GLCCI1: variants seen among roughly 807,000 people sequenced by gnomAD.
GLCCI1 encodes the protein glucocorticoid-induced transcript 1 protein.
GLCCI1 carries 24 observed loss-of-function variants against 52.2 expected under a neutral mutation model. The ratio of observed to expected loss-of-function variants is 0.46; its 90% CI spans 0.33 to 0.65. GLCCI1 has a LOEUF of 0.65. GLCCI1 is among the 30% of genes least tolerant of loss of function. The pLI is 0.02. For synonymous variants in GLCCI1, 310 were observed against 276.5 expected (o/e 1.12, Z -1.20); for missense variants, 704 against 701.5 (o/e 1.00, Z -0.04).
At position 7,999,758 on chromosome 7, in the gene GLCCI1, C is replaced by A. The variant is rs1007405932; in HGVS notation, c.458-4150C>A. Among the ~76,000 whole-genome samples the A allele has an allele frequency of 3.3e-5, 5 of 152,100 alleles. No homozygotes were observed. In the South Asian group the frequency reaches 1.0e-3, roughly 32 times the overall value. ...CATCTCTATAAATTTAAAAAATTAG[C>A]TGGGTGTGGTGATGCACACCTGTGG... On this transcript the variant is annotated intron_variant, in intron 1 of 7. Coordinates refer to ENST00000223145, the MANE Select transcript of GLCCI1 (RefSeq NM_138426.4).
At chr7:8,064,747 C>T (rs932814678) in intron 5 of GLCCI1, among the ~76,000 whole-genome samples, 5 of 151,960 alleles carry the variant, frequency 3.3e-5, no homozygotes, top group Non-Finnish European at 2.9e-5. Context: ...GCTGCTCTGT[C>T]GCCAGGCTGA....
At chr7:8,060,629 T>G (rs1369566526) in intron 5 of GLCCI1, among the ~76,000 whole-genome samples, 6 of 152,216 alleles carry the variant, frequency 3.9e-5, no homozygotes, top group Admixed American at 2.6e-4. Flanking sequence ...CATAGTGTTT[T>G]TAAGGTTCAC....
intron 3 of GLCCI1, among the ~76,000 whole-genome samples, chr7:8,038,400 T>C (rs1272015498): frequency 1.3e-5 from 2 of 152,140 alleles, no homozygotes. Flanking sequence ...CAAAACAGAA[T>C]GCTACTGGTA....
chr7:8,074,232 C>A (rs1782826043), intron 6 of GLCCI1, among the ~76,000 whole-genome samples: 1 of 108,704 alleles, frequency 9.2e-6, no homozygotes, highest in South Asian at 3.5e-4. Flanking sequence ...ACAAATAATA[C>A]ACTATTATAA....
intron 1 of GLCCI1, among the ~76,000 whole-genome samples, chr7:7,998,787 T>G (rs1407834508): frequency 6.6e-6 from 1 of 152,210 alleles, no homozygotes; most frequent in Non-Finnish European, 1.5e-5. Flanking sequence ...AGCTGCTAAT[T>G]ACAGATTTCA....
intron 7 of GLCCI1, among the ~76,000 whole-genome samples, chr7:8,085,564 C>T (rs1478298706): frequency 6.6e-6 from 1 of 152,172 alleles, no homozygotes; most frequent in Non-Finnish European, 1.5e-5. Context: ...TTCTTGGATG[C>T]CCTCATGCCT....
chr7:8,007,117 C>A (rs1477428533), intron 2 of GLCCI1, among the ~76,000 whole-genome samples: 1 of 152,118 alleles, frequency 6.6e-6, no homozygotes, highest in East Asian at 1.9e-4. Flanking sequence ...GGAATTTCTC[C>A]TGAATTTTGA....
intron 3 of GLCCI1, among the ~76,000 whole-genome samples, chr7:8,046,857 A>G (rs964405961): frequency 3.3e-5 from 5 of 152,150 alleles, no homozygotes; most frequent in Admixed American, 6.5e-5. Flanking sequence ...TTTTTTGTTG[A>G]CAGAGATAAC....
rs138309702 is a variant in GLCCI1, at chr7:7,997,819, C to T, written c.458-6089C>T. ...GGTTCATACTTGTAATCCAGCTACT[C>T]GGGAGCCTGAGACATGAGAATTACT... On this transcript the variant is annotated intron_variant, in intron 1 of 7. Coordinates refer to ENST00000223145, the MANE Select transcript of GLCCI1 (RefSeq NM_138426.4). Among the ~76,000 whole-genome samples, 276 of 151,928 alleles carry T rather than the reference C, an allele frequency of 1.8e-3. 1 individual carries two copies. The highest frequency in any genetic ancestry group is 6.3e-3 in the African/African-American group (261 of 41,432).
At chr7:8,042,683 G>C (rs1782027907) in intron 3 of GLCCI1, among the ~76,000 whole-genome samples, 1 of 152,156 alleles carries the variant, frequency 6.6e-6, no homozygotes, top group South Asian at 2.1e-4. Flanking sequence ...GCTGCAATCT[G>C]GTGATCAAAT....
At chr7:8,050,400 T>A (rs1782230582) in intron 3 of GLCCI1, among the ~76,000 whole-genome samples, 1 of 152,124 alleles carries the variant, frequency 6.6e-6, no homozygotes, top group Admixed American at 6.5e-5. Context: ...GTTTGAGATT[T>A]TTGTTGAGGG....
intron 3 of GLCCI1, among the ~76,000 whole-genome samples, chr7:8,044,037 C>T (rs896594824): frequency 2.0e-5 from 3 of 151,742 alleles, no homozygotes; most frequent in Admixed American, 6.6e-5. Context: ...CTCCGCCTCC[C>T]GGGTTCACAC....
chr7:8,071,118 T>C lies in GLCCI1; in HGVS notation c.1164T>C (p.Tyr388=), dbSNP rs370467062. The C allele has an allele frequency of 2.5e-6, 4 of 1,613,914 alleles. No individual in the cohort carries two copies. Among genetic ancestry groups the C allele is most frequent in the East Asian group, 4.5e-5 (2 of 44,882 alleles). Residue 388 remains tyrosine, a synonymous_variant, in exon 6 of 8, where the codon TAT becomes TAC. Transcript: ENST00000223145. ...GSPCSTEDLL[Y]DRDKDSGSSS... is the part of the protein sequence containing the mutation. Reference sequence around the variant, plus strand: ...CTTGCTCAACAGAAGATTTGCTCTATGATCGTGATAAAGGTAAGAATGGAA... The same window carrying C: ...CTTGCTCAACAGAAGATTTGCTCTACGATCGTGATAAAGGTAAGAATGGAA...
chr7:8,072,491 G>GA (rs1294349759), intron 6 of GLCCI1, among the ~76,000 whole-genome samples: 1 of 152,120 alleles, frequency 6.6e-6, no homozygotes, highest in Non-Finnish European at 1.5e-5. Context: ...GTCAGACTAG[G>GA]AAATTTTCAT....
intron 1 of GLCCI1, among the ~76,000 whole-genome samples, chr7:7,998,486 G>T (rs1780989041): frequency 6.6e-6 from 1 of 152,204 alleles, no homozygotes; most frequent in Admixed American, 6.5e-5. Context: ...AGAGTGCTGG[G>T]ATTACAGGTG....
chr7:8,038,589 T>C (rs961787908), intron 3 of GLCCI1, among the ~76,000 whole-genome samples: 1 of 152,174 alleles, frequency 6.6e-6, no homozygotes, highest in African/African-American at 2.4e-5. Flanking sequence ...TCTCTTATCA[T>C]ATACAAAAAT....
At chr7:7,972,636 T>A (rs959153901) in intron 1 of GLCCI1, among the ~76,000 whole-genome samples, 2 of 152,190 alleles carry the variant, frequency 1.3e-5, no homozygotes, top group Admixed American at 6.5e-5. Context: ...ATCTGCGTCT[T>A]AAGCATTCTT....
chr7:8,034,612 T>C (rs1465823038), intron 3 of GLCCI1, among the ~76,000 whole-genome samples: 4 of 152,150 alleles, frequency 2.6e-5, no homozygotes, highest in Admixed American at 2.6e-4. Context: ...AGACACCACT[T>C]CTCAGAAAGA....
intron 1 of GLCCI1, among the ~76,000 whole-genome samples, chr7:7,997,647 G>T (rs1428113522): frequency 2.6e-5 from 4 of 152,040 alleles, no homozygotes; most frequent in African/African-American, 9.7e-5. Flanking sequence ...AGCTATAGAG[G>T]CTGGGCATGG....
Sources: gnomAD v4.1 joint callset for allele counts (sites outside exome capture counted in the v4.1 genomes callset) on GRCh38, gnomAD v4.1.1 for gene constraint, MANE v1.5 for transcripts, NCBI Gene and HGNC (gene_info 2026-07-23, HGNC 2026-07-21) for gene names.